Variants in CDC27 observed in about 807,000 individuals in gnomAD.
CDC27 encodes cell division cycle protein 27 homolog.
Under a neutral mutation model 109.7 loss-of-function variants are expected in CDC27, and 27 were observed. The ratio of observed to expected loss-of-function variants is 0.25; its 90% CI spans 0.18 to 0.34. The LOEUF (loss-of-function observed/expected upper bound fraction) is 0.34, where lower values mean the gene tolerates loss of function less well. Among genes scored for constraint, CDC27 ranks in the 10% least tolerant of loss-of-function variants. The pLI, the probability that CDC27 is intolerant of heterozygous loss-of-function variation, is 1.00. For missense variants in CDC27, 579 were observed against 960.2 expected (o/e 0.60, Z 5.25); for synonymous variants, 266 against 333.9 (o/e 0.80, Z 2.22).
intron 9 of CDC27, among the ~76,000 whole-genome samples, chr17:47,147,495 TATA>T (rs1374826949): frequency 6.7e-6 from 1 of 148,858 alleles, no homozygotes; most frequent in African/African-American, 2.5e-5. Context: ...GGAAAAGTAA[TATA>T]AGAAACACTT....
At chr17:47,176,106 G>A (rs2063995998) in intron 2 of CDC27, among the ~76,000 whole-genome samples, 1 of 152,110 alleles carries the variant, frequency 6.6e-6, no homozygotes, top group South Asian at 2.1e-4. Flanking sequence ...AGTGAAGGCT[G>A]TATGTGCTAT....
chr17:47,159,663 C>T (rs1337421321), intron 4 of CDC27: 3 of 439,730 alleles, frequency 6.8e-6, no homozygotes, highest in Admixed American at 3.5e-5. Context: ...ACACCCAGAC[C>T]GACGTGGCCA....
intron 16 of CDC27, among the ~76,000 whole-genome samples, chr17:47,125,994 C>T (rs1358171974): frequency 6.6e-6 from 1 of 152,184 alleles, no homozygotes; most frequent in Non-Finnish European, 1.5e-5. Flanking sequence ...TCCCCACCCC[C>T]AGCGATCTAA....
Position 47,174,968 on chromosome 17 carries a change from A to AACAGGACAGG in CDC27, c.104-2914_104-2905dup, listed in dbSNP as rs779367027. Among the ~76,000 whole-genome samples the AACAGGACAGG allele has an allele frequency of 1.3e-4, 15 of 116,154 alleles. No individual in the cohort carries two copies. The East Asian group carries it at 1.5e-3, about 12-fold the overall frequency. The allele number at this position is 116,154 out of a possible 152,430, so 76.2% of individuals were successfully genotyped here. A position where few individuals can be genotyped will look rare whatever the true frequency, so the allele number is the denominator to read the frequency against. On this transcript the variant is annotated intron_variant, in intron 2 of 18. Transcript: ENST00000066544. ...AACTCGGTCGAAACAGGACTATCGA[A>AACAGGACAGG]ACAGGACAGGACAGGACAGGACAGG... is the stretch of plus-strand genomic sequence containing the variant.
chr17:47,166,203 AGAG>A (rs1397008118), intron 4 of CDC27, among the ~76,000 whole-genome samples: 1 of 152,166 alleles, frequency 6.6e-6, no homozygotes, highest in East Asian at 1.9e-4. Flanking sequence ...CCTCATGAGT[AGAG>A]GAGTATTTCT....
At chr17:47,149,509 T>TAAAAAAA (rs34375130) in intron 9 of CDC27, among the ~76,000 whole-genome samples, 1 of 112,178 alleles carries the variant, frequency 8.9e-6, no homozygotes, top group African/African-American at 3.4e-5. Context: ...GACTCTGTCT[T>TAAAAAAA]AAAAAAAAAA....
At chr17:47,144,479 G>A (rs1410543978) in intron 9 of CDC27, among the ~76,000 whole-genome samples, 2 of 152,228 alleles carry the variant, frequency 1.3e-5, no homozygotes, top group South Asian at 4.1e-4. Context: ...GGCAAAGATA[G>A]TCTAAATGTG....
Position 47,144,151 on chromosome 17 carries a change from T to TA in CDC27, c.1071-170dup, listed in dbSNP as rs11570516. 2.4e-3 allele frequency among the ~76,000 whole-genome samples: 364 copies of TA among 152,276 alleles called. 4 individuals carry two copies. Among genetic ancestry groups the TA allele is most frequent in the Non-Finnish European group, 4.1e-3 (279 of 68,006 alleles). ...GGTTTCTCTATGAAAACACAGTATT[T>TA]AAAAATGAGGGACTCGGACTGGCTT... On this transcript the variant is annotated intron_variant, in intron 9 of 18. Coordinates refer to ENST00000066544, the MANE Select transcript of CDC27 (RefSeq NM_001256.6).
In CDC27 at chr17:47,134,480, T is replaced by TG. The variant is rs1555784660; in HGVS notation, c.1914-2107_1914-2106insC. On this transcript the variant is annotated intron_variant, in intron 14 of 18. Coordinates refer to ENST00000066544, the MANE Select transcript of CDC27 (RefSeq NM_001256.6). The stretch of plus-strand genomic sequence containing the variant: ...TACACCACCATGCCTAATTGTTTTT[T>TG]TTTTGTTTTGTTTTGTTTTGTTTTG... 2.8e-4 allele frequency among the ~76,000 whole-genome samples: 42 copies of TG among 151,556 alleles called. 2 individuals carry two copies. In the East Asian group the frequency reaches 7.4e-3, roughly 27 times the overall value.
chr17:47,159,399 G>A (rs2063420920), intron 4 of CDC27: 1 of 981,552 alleles, frequency 1.0e-6, no homozygotes, highest in South Asian at 1.9e-5. Flanking sequence ...GCCCCTGGCT[G>A]AGGTGTAGCA....
intron 5 of CDC27, 80 bp from the exon 6 acceptor site, chr17:47,157,464 A>G: frequency 8.9e-7 from 1 of 1,117,716 alleles, no homozygotes; most frequent in Non-Finnish European, 1.3e-6. Flanking sequence ...AAATCAGTGG[A>G]AACAGGAAAT....
chr17:47,181,547 G>T lies in CDC27; in HGVS notation c.103+15C>A. ...TATTCATTTATCATTCTACAGCAAT[G>T]AATAGATTTCAAACCTTCTGCATAA... On this transcript the variant is annotated intron_variant, in intron 2 of 18. Transcript: ENST00000066544. The T allele has an allele frequency of 1.4e-6, 2 of 1,470,722 alleles. No homozygotes were observed. The highest frequency in any genetic ancestry group is 1.2e-5 in the South Asian group (1 of 86,728). 91.1% of individuals were successfully genotyped at this position (1,470,722 alleles called of 1,614,324 possible). A position where few individuals can be genotyped will look rare whatever the true frequency, so the allele number is the denominator to read the frequency against.
intron 1 of CDC27, among the ~76,000 whole-genome samples, chr17:47,187,640 G>A (rs1343991829): frequency 6.6e-6 from 1 of 151,722 alleles, no homozygotes; most frequent in Non-Finnish European, 1.5e-5. Flanking sequence ...TTATTAAATG[G>A]TGGTTATAGT....
chr17:47,189,115 G>A (rs1022505230), intron 1 of CDC27, 31 bp downstream of exon 1: 5 of 1,609,788 alleles, frequency 3.1e-6, no homozygotes, highest in Non-Finnish European at 4.3e-6. Context: ...GAGGCTGCCA[G>A]CCAAGCCCCA....
intron 16 of CDC27, among the ~76,000 whole-genome samples, chr17:47,125,960 C>T (rs763708643): frequency 2.0e-5 from 3 of 152,196 alleles, no homozygotes; most frequent in Non-Finnish European, 4.4e-5. Context: ...TTGTTATCAA[C>T]ATTTCATGCA....
intron 7 of CDC27, among the ~76,000 whole-genome samples, chr17:47,155,134 G>A (rs906426741): frequency 2.6e-5 from 4 of 152,118 alleles, no homozygotes; most frequent in African/African-American, 9.7e-5. Context: ...CAGAGAAAAT[G>A]TCTCTAGAGA....
intron 9 of CDC27, among the ~76,000 whole-genome samples, chr17:47,150,500 C>T (rs1568408230): frequency 6.6e-6 from 1 of 152,120 alleles, no homozygotes; most frequent in Non-Finnish European, 1.5e-5. Flanking sequence ...CTAAAGAACA[C>T]CTGGGGTTAT....
chr17:47,122,521 T>C lies in CDC27; in HGVS notation c.2315A>G (p.Asn772Ser), dbSNP rs1184689364. Residue 772 changes from asparagine to serine, a missense_variant, in exon 18 of 19, where the codon AAT becomes AGT. Asn to Ser is a conservative substitution (Grantham distance 46). Around this residue, in one of 9 missense-constraint regions of CDC27, gnomAD observed 227 missense variants for 363.6 expected, o/e 0.62. Coordinates refer to ENST00000066544, the MANE Select transcript of CDC27 (RefSeq NM_001256.6). ...ATCAATTGCCTCTTTAATCTGGTTA[T>C]TGGCTCCTTTAGGATCTAAATCCAT... ...WAMDLDPKGANNQIKEAIDKR... is the reference protein window; with the variant it reads ...WAMDLDPKGASNQIKEAIDKR... The C allele has an allele frequency of 1.2e-6, 2 of 1,612,040 alleles. No homozygotes were observed. Among genetic ancestry groups the C allele is most frequent in the East Asian group, 2.2e-5 (1 of 44,826 alleles).
chr17:47,123,088 A>T (rs1326770190), intron 17 of CDC27, among the ~76,000 whole-genome samples: 1 of 152,198 alleles, frequency 6.6e-6, no homozygotes, highest in African/African-American at 2.4e-5. Flanking sequence ...AGTTCCTTTT[A>T]ATATAATCAG....
Sources: allele counts gnomAD v4.1 joint callset (sites outside exome capture counted in the v4.1 genomes callset), GRCh38; gene constraint gnomAD v4.1.1; regional missense constraint gnomAD v4.1.1; transcripts MANE v1.5; gene names NCBI Gene and HGNC (gene_info 2026-07-23, HGNC 2026-07-21).